Variants in CSMD2 observed in about 807,000 individuals in gnomAD.
The protein encoded by CSMD2 is CUB and Sushi multiple domains 2, also known as CUB and sushi domain-containing protein 2.
In CSMD2, 130 loss-of-function variants were observed where a neutral mutation model predicts 398.5. That is an observed-to-expected ratio of 0.33 (90% CI 0.28 to 0.38). CSMD2 has a LOEUF of 0.38. Ranked by LOEUF, CSMD2 falls within the 10% of genes least tolerant of loss-of-function variation. The pLI is 1.00. For synonymous variants in CSMD2, 1,828 were observed against 1,908.5 expected (o/e 0.96, Z 1.10); for missense variants, 3,829 against 4,764.9 (o/e 0.80, Z 5.78).
chr1:33,690,436 C>T (rs764851670), intron 25 of CSMD2, among the ~76,000 whole-genome samples: 3 of 152,180 alleles, frequency 2.0e-5, no homozygotes, highest in Non-Finnish European at 4.4e-5. Flanking sequence ...ATTGTGCCAC[C>T]ACCTTGTTCT....
intron 1 of CSMD2, among the ~76,000 whole-genome samples, chr1:34,105,252 G>A (rs1660418214): frequency 6.6e-6 from 1 of 152,080 alleles, no homozygotes; most frequent in Non-Finnish European, 1.5e-5. Flanking sequence ...CTTCACTGTG[G>A]GAGGCTGTCC....
chr1:33,917,239 T>A (rs140362380), intron 5 of CSMD2, among the ~76,000 whole-genome samples: 106 of 152,312 alleles, frequency 7.0e-4, no homozygotes, highest in African/African-American at 2.3e-3. Context: ...CCTGACACTA[T>A]GCAGCAACTA....
intron 1 of CSMD2, among the ~76,000 whole-genome samples, chr1:34,108,261 C>T (rs1167184672): frequency 7.2e-6 from 1 of 139,808 alleles, no homozygotes; most frequent in Non-Finnish European, 1.6e-5. Context: ...AAAAAGAAAA[C>T]AAAACCCTAA....
chr1:33,968,175 G>T (rs1183499918), intron 3 of CSMD2, among the ~76,000 whole-genome samples: 1 of 152,162 alleles, frequency 6.6e-6, no homozygotes, highest in African/African-American at 2.4e-5. Context: ...AATCAAGCTG[G>T]TTCTTTGAGT....
chr1:33,757,895 A>G (rs1002519151), intron 13 of CSMD2, among the ~76,000 whole-genome samples: 3 of 152,130 alleles, frequency 2.0e-5, no homozygotes, highest in African/African-American at 7.2e-5. Context: ...CCCTCTTTCT[A>G]CTGCCAGAGT....
Position 33,768,142 on chromosome 1 carries a change from T to C in CSMD2, c.1846+4427A>G, listed in dbSNP as rs1021899333. Among the ~76,000 whole-genome samples, 11 of 152,220 alleles carry C rather than the reference T, an allele frequency of 7.2e-5. 1 individual carries two copies. Among genetic ancestry groups the C allele is most frequent in the Admixed American group, 6.5e-4 (10 of 15,286 alleles). On this transcript the variant is annotated intron_variant, in intron 13 of 70. Coordinates refer to ENST00000373381, the MANE Select transcript of CSMD2 (RefSeq NM_001281956.2). ...AAAATTGGCATTCTCCTCTAACCCA[T>C]GCCTTCCCACTGTCATAATGCTACA...
chr1:34,156,765 C>G (rs1006825349), intron 1 of CSMD2, among the ~76,000 whole-genome samples: 1 of 152,170 alleles, frequency 6.6e-6, no homozygotes, highest in African/African-American at 2.4e-5. Context: ...TTTAACTATA[C>G]ATACATTATT....
chr1:33,779,570 G>A (rs1007167288), intron 12 of CSMD2, among the ~76,000 whole-genome samples: 3 of 152,298 alleles, frequency 2.0e-5, no homozygotes, highest in African/African-American at 7.2e-5. Flanking sequence ...TGGCTGTAAC[G>A]TGGCACCTGC....
rs113518055 is a variant in CSMD2, at chr1:33,779,851, T to G, written c.1664-7100A>C. Among the ~76,000 whole-genome samples, 358 of 152,256 alleles carry G rather than the reference T, an allele frequency of 2.4e-3. 1 individual carries two copies. The highest frequency in any genetic ancestry group is 7.9e-3 in the African/African-American group (330 of 41,560). On this transcript the variant is annotated intron_variant, in intron 12 of 70. Transcript: ENST00000373381. ...TTTTTTGAAATGTCTATATCCCAGC[T>G]TTTCTAGTGAAGTGCAAGGCACAGA... is the stretch of plus-strand genomic sequence containing the variant.
intron 12 of CSMD2, among the ~76,000 whole-genome samples, chr1:33,785,370 C>G (rs965597492): frequency 6.6e-6 from 1 of 152,176 alleles, no homozygotes; most frequent in East Asian, 1.9e-4. Context: ...AATTATGTAA[C>G]CTTGGGAGGC....
Position 33,550,295 on chromosome 1 carries a change from A to C in CSMD2, c.8799T>G (p.Ser2933Arg). The C allele has an allele frequency of 1.2e-6, 2 of 1,614,206 alleles. No individual in the cohort carries two copies. The highest frequency in any genetic ancestry group is 1.7e-6 in the Non-Finnish European group (2 of 1,180,028). Residue 2933 changes from serine (S) to arginine (R), a missense_variant, in exon 56 of 71, where the codon AGT becomes AGG. Physicochemically the swap from Ser to Arg is moderately radical, Grantham distance 110. This residue lies in a region of CSMD2 where 917 missense variants were observed against 1,199.5 expected (regional missense o/e 0.76). Transcript: ENST00000373381. ...ACCGCACCACTGCTCCCACAGTATAACTGTCTCCAGACATCTGGGAGTGAG... is the reference window on the plus strand; with the variant it reads ...ACCGCACCACTGCTCCCACAGTATACCTGTCTCCAGACATCTGGGAGTGAG... Reference protein sequence around the residue: ...SPPHSQMSGDSYTVGAVVRYS... With the variant: ...SPPHSQMSGDRYTVGAVVRYS...
rs747084619 is a variant in CSMD2, at chr1:33,646,740, G to C, written c.4682C>G (p.Pro1561Arg). The change falls in exon 29 of 71, where the codon CCA becomes CGA. Residue 1561 changes from proline to arginine, a missense_variant. Coordinates refer to ENST00000373381, the MANE Select transcript of CSMD2 (RefSeq NM_001281956.2). ...LIGSFYGSQL[P>R]GRIESSSNSL... is the part of the protein sequence containing the mutation. ...GTTGCTGCTGCTTTCAATGCGGCCT[G>C]GGAGCTGGGAGCCATAGAAGCTTCC... 2.5e-6 allele frequency: 4 copies of C among 1,614,180 alleles called. No individual in the cohort carries two copies. The highest frequency in any genetic ancestry group is 3.4e-6 in the Non-Finnish European group (4 of 1,180,024).
At chr1:33,694,316 A>C (rs1209238440) in intron 24 of CSMD2, among the ~76,000 whole-genome samples, 2 of 152,094 alleles carry the variant, frequency 1.3e-5, no homozygotes, top group African/African-American at 4.8e-5. Context: ...AAATGTTCAA[A>C]AATTAGATTG....
intron 13 of CSMD2, among the ~76,000 whole-genome samples, chr1:33,771,177 T>C (rs967830831): frequency 1.3e-5 from 2 of 152,188 alleles, no homozygotes; most frequent in Admixed American, 6.5e-5. Context: ...TAAGCCCCCA[T>C]GGCACCTGGG....
chr1:33,819,259 T>C (rs921200315), intron 9 of CSMD2, among the ~76,000 whole-genome samples: 5 of 152,218 alleles, frequency 3.3e-5, no homozygotes, highest in African/African-American at 7.2e-5. Context: ...ATGTCATCAC[T>C]ACATAGGTAA....
At chr1:33,739,533 C>T (rs12117137) in intron 14 of CSMD2, among the ~76,000 whole-genome samples, 199 bp from the exon 15 acceptor site, 84,924 of 152,162 alleles carry the variant, frequency 0.56, 25,817 homozygotes, top group Middle Eastern at 0.68. Flanking sequence ...CCTGCCTTCC[C>T]GAGCACCTAA....
chr1:33,658,935 G>C (rs1324751954), intron 26 of CSMD2, among the ~76,000 whole-genome samples: 2 of 152,174 alleles, frequency 1.3e-5, no homozygotes, highest in Non-Finnish European at 2.9e-5. Flanking sequence ...GAGTTGGCCT[G>C]CCTAAATGCT....
intron 46 of CSMD2, among the ~76,000 whole-genome samples, chr1:33,584,747 A>G (rs558542157): frequency 6.6e-6 from 1 of 152,064 alleles, no homozygotes; most frequent in Admixed American, 6.5e-5. Context: ...TAGTGCTTCA[A>G]TAAATTGTAG....
chr1:33,769,227 G>C (rs1458492352), intron 13 of CSMD2, among the ~76,000 whole-genome samples: 2 of 152,232 alleles, frequency 1.3e-5, no homozygotes, highest in African/African-American at 4.8e-5. Context: ...AAATGGCAAA[G>C]CTTCTGGAAG....
Sources: allele counts gnomAD v4.1 joint callset (sites outside exome capture counted in the v4.1 genomes callset), GRCh38; gene constraint gnomAD v4.1.1; regional missense constraint gnomAD v4.1.1; transcripts MANE v1.5; gene names NCBI Gene and HGNC (gene_info 2026-07-23, HGNC 2026-07-21).